The following ARL8B variants were observed in gnomAD, a reference collection of about 807,000 sequenced individuals.
ARL8B encodes ADP-ribosylation factor-like protein 8B.
A neutral mutation model predicts 30.6 loss-of-function variants in ARL8B; 9 were observed. The ratio of observed to expected loss-of-function variants is 0.29; its 90% CI spans 0.18 to 0.51. The LOEUF is 0.51. ARL8B is among the 20% of genes least tolerant of loss of function. The pLI, the probability that ARL8B is intolerant of heterozygous loss-of-function variation, is 0.97. For missense variants in ARL8B, 130 were observed against 227.2 expected, an observed-to-expected ratio of 0.57 and a Z score of 2.75; for synonymous variants, 74 against 76.0, an observed-to-expected ratio of 0.97 and a Z score of 0.14.
intron 1 of ARL8B, among the ~76,000 whole-genome samples, chr3:5,132,840 T>C (rs1209231116): frequency 6.6e-6 from 1 of 152,214 alleles, no homozygotes; most frequent in Non-Finnish European, 1.5e-5. Flanking sequence ...AGAGGAATAT[T>C]AAGTGCCTTA....
intron 1 of ARL8B, among the ~76,000 whole-genome samples, chr3:5,134,902 C>T (rs1018539482): frequency 2.0e-5 from 3 of 152,160 alleles, no homozygotes; most frequent in Non-Finnish European, 4.4e-5. Context: ...GGCTGGAGTA[C>T]AGTGGCATGA....
At chr3:5,143,668 G>A (rs914116360) in intron 1 of ARL8B, among the ~76,000 whole-genome samples, 8 of 152,202 alleles carry the variant, frequency 5.3e-5, no homozygotes, top group Middle Eastern at 3.2e-3. Flanking sequence ...TCTCAGGTTG[G>A]GTGGAGCTTG....
intron 1 of ARL8B, among the ~76,000 whole-genome samples, chr3:5,159,857 C>G (rs983274042): frequency 1.3e-5 from 2 of 151,578 alleles, no homozygotes; most frequent in East Asian, 1.9e-4. Flanking sequence ...CCAGTTTTCC[C>G]AAGAAAGAAG....
intron 1 of ARL8B, among the ~76,000 whole-genome samples, chr3:5,145,271 T>C (rs763191754): frequency 1.3e-5 from 2 of 152,210 alleles, no homozygotes; most frequent in Admixed American, 6.5e-5. Context: ...CAAGTATTTG[T>C]TGTTACGACC....
intron 1 of ARL8B, among the ~76,000 whole-genome samples, chr3:5,143,756 A>T (rs1025581425): frequency 6.6e-6 from 1 of 152,234 alleles, no homozygotes; most frequent in African/African-American, 2.4e-5. Flanking sequence ...GAAGAGTTTG[A>T]GTCAGAAGTC....
In ARL8B at chr3:5,178,817, AT is replaced by A; in HGVS notation, c.*106del. The A allele has an allele frequency of 1.3e-6, 2 of 1,568,610 alleles. No individual in the cohort carries two copies. The highest frequency in any genetic ancestry group is 1.7e-6 in the Non-Finnish European group (2 of 1,162,212). ...ATACGGTCCTTCCTAAACCCCAGAA[AT>A]TGCCTTTTTCAGAGTTTATTTCTCA... On this transcript the variant is annotated 3_prime_UTR_variant, in exon 7 of 7. Transcript: ENST00000256496.
rs115740221 is a variant in ARL8B, at chr3:5,150,093, A to T, written c.124-20410A>T. ...TTGTTATGAGGGTAATGCAGGGCTC[A>T]TAAAATGAGTTTGGAAGTGTTCGTG... On this transcript the variant is annotated intron_variant, in intron 1 of 6. Transcript: ENST00000256496. Among the ~76,000 whole-genome samples the T allele has an allele frequency of 8.9e-3, 1,354 of 152,322 alleles. 17 individuals are homozygous for T. Among genetic ancestry groups the T allele is most frequent in the African/African-American group, 0.031 (1,269 of 41,562 alleles).
chr3:5,159,289 C>CTCTG (rs1491161506), intron 1 of ARL8B, among the ~76,000 whole-genome samples: 25 of 100,178 alleles, frequency 2.5e-4, no homozygotes, highest in Non-Finnish European at 3.9e-4. Flanking sequence ...GACAGAGTGA[C>CTCTG]TCTGTCTCAA....
At chr3:5,132,918 G>A (rs1191081417) in intron 1 of ARL8B, among the ~76,000 whole-genome samples, 2 of 152,200 alleles carry the variant, frequency 1.3e-5, no homozygotes, top group African/African-American at 2.4e-5. Context: ...GTTTTATTTA[G>A]TAAGGCTGTT....
chr3:5,132,905 G>C (rs1035882360), intron 1 of ARL8B, among the ~76,000 whole-genome samples: 1 of 152,192 alleles, frequency 6.6e-6, no homozygotes, highest in Non-Finnish European at 1.5e-5. Flanking sequence ...AGACATTGGA[G>C]GAGTTTTATT....
At chr3:5,161,172 G>A (rs985764747) in intron 1 of ARL8B, among the ~76,000 whole-genome samples, 23 of 152,310 alleles carry the variant, frequency 1.5e-4, no homozygotes, top group Admixed American at 4.6e-4. Context: ...TCCCACGGCC[G>A]GGGATTACAG....
At chr3:5,131,698 T>A (rs536902560) in intron 1 of ARL8B, among the ~76,000 whole-genome samples, 1 of 152,290 alleles carries the variant, frequency 6.6e-6, no homozygotes, top group Non-Finnish European at 1.5e-5. Context: ...GCCTACCCGT[T>A]TCTTAAAAAT....
intron 1 of ARL8B, among the ~76,000 whole-genome samples, chr3:5,158,478 G>T (rs1303341451): frequency 6.6e-6 from 1 of 152,196 alleles, no homozygotes; most frequent in Non-Finnish European, 1.5e-5. Flanking sequence ...AAACAGCTCT[G>T]TGAGGTAGAG....
chr3:5,129,461 A>C (rs1388904007), intron 1 of ARL8B, among the ~76,000 whole-genome samples: 1 of 152,166 alleles, frequency 6.6e-6, no homozygotes, highest in African/African-American at 2.4e-5. Context: ...TTATCCTATT[A>C]GATACTGCTC....
At chr3:5,151,881 C>T (rs1393170389) in intron 1 of ARL8B, among the ~76,000 whole-genome samples, 1 of 152,010 alleles carries the variant, frequency 6.6e-6, no homozygotes, top group Non-Finnish European at 1.5e-5. Flanking sequence ...CACACGACCA[C>T]GTCTGGCTAA....
chr3:5,124,904 T>C (rs1425979034), intron 1 of ARL8B, among the ~76,000 whole-genome samples: 31 of 152,256 alleles, frequency 2.0e-4, no homozygotes, highest in Admixed American at 2.0e-3. Context: ...ATGGAATTAA[T>C]GTTTCATGTG....
intron 1 of ARL8B, among the ~76,000 whole-genome samples, chr3:5,165,643 C>T (rs1483850194): frequency 6.6e-6 from 1 of 152,094 alleles, no homozygotes; most frequent in African/African-American, 2.4e-5. Context: ...TTGATAACTA[C>T]ACCCTTAAAA....
intron 1 of ARL8B, chr3:5,128,525 A>T: frequency 2.3e-6 from 1 of 438,498 alleles, no homozygotes; most frequent in South Asian, 1.6e-5. Flanking sequence ...TGCATTCTAA[A>T]TGCCTGTCTT....
chr3:5,130,534 G>GT lies in ARL8B; in HGVS notation c.123+7957dup, dbSNP rs1363707680. On this transcript the variant is annotated intron_variant, in intron 1 of 6. Transcript: ENST00000256496. ...TGCTTGCTTGCTTGTGTGTGTGTGTGTTTTTTTTTTTGGCGGGGGGATGGA... is the reference window on the plus strand; with the variant it reads ...TGCTTGCTTGCTTGTGTGTGTGTGTGTTTTTTTTTTTTGGCGGGGGGATGGA... 1.0e-3 allele frequency among the ~76,000 whole-genome samples: 144 copies of GT among 143,532 alleles called. 1 individual carries two copies. The highest frequency in any genetic ancestry group is 8.9e-3 in the South Asian group (40 of 4,486). The allele number at this position is 143,532 out of a possible 152,430, so 94.2% of individuals were successfully genotyped here. A position where few individuals can be genotyped will look rare whatever the true frequency, so the allele number is the denominator to read the frequency against.
Sources: gnomAD v4.1 joint callset for allele counts (sites outside exome capture counted in the v4.1 genomes callset) on GRCh38, gnomAD v4.1.1 for gene constraint, MANE v1.5 for transcripts, NCBI Gene and HGNC (gene_info 2026-07-23, HGNC 2026-07-21) for gene names.